CARS1: variants seen among roughly 807,000 people sequenced by gnomAD.
The protein encoded by CARS1 is cysteinyl-tRNA synthetase 1.
Under a neutral mutation model 106.2 loss-of-function variants are expected in CARS1, and 48 were observed. The observed-to-expected ratio is 0.45, with a 90% CI of 0.36 to 0.57. CARS1 has a LOEUF of 0.57. Ranked by LOEUF, CARS1 falls within the 20% of genes least tolerant of loss-of-function variation. CARS1 has a pLI of 0.00. For missense variants in CARS1, 968 were observed against 1,057.2 expected, an observed-to-expected ratio of 0.92 and a Z score of 1.17; for synonymous variants, 409 against 403.4, an observed-to-expected ratio of 1.01 and a Z score of -0.17.
At position 3,019,677 on chromosome 11, in the gene CARS1, C is replaced by T. The variant is rs112299010; in HGVS notation, c.1267-410G>A. On this transcript the variant is annotated intron_variant, in intron 11 of 22. Transcript: ENST00000380525. The surrounding 1 kb of genome is among the most constrained non-coding windows in gnomAD (Gnocchi z 6.2). ...TGAGCTGAGATCGCGCCACTGCACTCCAGCCTGGTGACAGAGTGACACTCT... is the reference window on the plus strand; with the variant it reads ...TGAGCTGAGATCGCGCCACTGCACTTCAGCCTGGTGACAGAGTGACACTCT... Among the ~76,000 whole-genome samples the T allele has an allele frequency of 5.1e-3, 777 of 151,646 alleles. 8 individuals are homozygous for T. The highest frequency in any genetic ancestry group is 0.017 in the African/African-American group (693 of 41,288).
Position 3,029,569 on chromosome 11 carries a change from A to C in CARS1, c.802-126T>G. 1 of 968,772 alleles carries C rather than the reference A, an allele frequency of 1.0e-6. No homozygotes were observed. Among genetic ancestry groups the C allele is most frequent in the South Asian group, 1.6e-5 (1 of 62,698 alleles). The allele number at this position is 968,772 out of a possible 1,614,324, so 60.0% of individuals were successfully genotyped here. A position where few individuals can be genotyped will look rare whatever the true frequency, so the allele number is the denominator to read the frequency against. On this transcript the variant is annotated intron_variant, in intron 7 of 22. Coordinates refer to ENST00000380525, the MANE Select transcript of CARS1 (RefSeq NM_001014437.3). The surrounding 1 kb of genome is among the most constrained non-coding windows in gnomAD (Gnocchi z 5.9). ...TGCTGACCTTGACCTGTGAAGAGCCACCGTCTCCTAGGGAGACTGTGATGC... is the reference window on the plus strand; with the variant it reads ...TGCTGACCTTGACCTGTGAAGAGCCCCCGTCTCCTAGGGAGACTGTGATGC...
At chr11:3,027,828 G>GTT (rs536323059) in intron 9 of CARS1, 19 of 454,702 alleles carry the variant, frequency 4.2e-5, no homozygotes, top group Non-Finnish European at 7.1e-5. Context: ...TAGCGGTAGC[G>GTT]TAAGTGTCAA....
intron 18 of CARS1, among the ~76,000 whole-genome samples, chr11:3,010,356 G>C (rs766581903): frequency 6.6e-6 from 1 of 152,228 alleles, no homozygotes; most frequent in African/African-American, 2.4e-5. Flanking sequence ...ATGCCCAGGC[G>C]ACCTCCAGGA....
At chr11:3,024,588 T>C (rs1851873568) in intron 10 of CARS1, among the ~76,000 whole-genome samples, 1 of 152,056 alleles carries the variant, frequency 6.6e-6, no homozygotes, top group Non-Finnish European at 1.5e-5. Flanking sequence ...GCTGGGACTA[T>C]AGGCACGTGC....
In CARS1 at chr11:3,053,501, G is replaced by A. The variant is rs763715030; in HGVS notation, c.25+3842C>T. The stretch of plus-strand genomic sequence containing the variant: ...CCACCTCGGCCTCCCAAAGTGCTGG[G>A]ATTACAGACGTGAGCCACCATGCCT... On this transcript the variant is annotated intron_variant, in intron 1 of 22. Coordinates refer to ENST00000380525, the MANE Select transcript of CARS1 (RefSeq NM_001014437.3). This position sits in a 1 kb window ranked among gnomAD's most constrained non-coding sequence, Gnocchi z 6.6. 2.2e-4 allele frequency among the ~76,000 whole-genome samples: 34 copies of A among 152,236 alleles called. No homozygotes were observed. The highest frequency in any genetic ancestry group is 3.8e-4 in the Non-Finnish European group (26 of 68,010).
chr11:3,035,492 CTTTTTT>C (rs1057498155), intron 7 of CARS1, among the ~76,000 whole-genome samples: 1 of 151,422 alleles, frequency 6.6e-6, no homozygotes, highest in Non-Finnish European at 1.5e-5. Flanking sequence ...ACATTTCTTT[CTTTTTT>C]TTTAAGAGTC....
Position 3,017,039 on chromosome 11 carries a change from C to T in CARS1, c.1917+67G>A. On this transcript the variant is annotated intron_variant, in intron 16 of 22. Transcript: ENST00000380525. The surrounding 1 kb of genome is among the most constrained non-coding windows in gnomAD (Gnocchi z 4.9). The stretch of plus-strand genomic sequence containing the variant: ...GGGGCACCAGAGGCCTCTGTTCTCC[C>T]AGTCCTGGGGCCTGGCTCCTGTGTC... 1.4e-6 allele frequency: 2 copies of T among 1,426,018 alleles called. No homozygotes were observed. Among genetic ancestry groups the T allele is most frequent in the Non-Finnish European group, 1.9e-6 (2 of 1,043,254 alleles). The allele number at this position is 1,426,018 out of a possible 1,614,324, so 88.3% of individuals were successfully genotyped here.
At position 3,043,482 on chromosome 11, in the gene CARS1, G is replaced by A. The variant is rs563601606; in HGVS notation, c.275-1226C>T. On this transcript the variant is annotated intron_variant, in intron 2 of 22. Transcript: ENST00000380525. This position sits in a 1 kb window ranked among gnomAD's most constrained non-coding sequence, Gnocchi z 4.0. ...CTGGGCACCTCTGACCCCAGCTGGT[G>A]CCTGGCCCTGGGAAGGGCTTCACAT... Among the ~76,000 whole-genome samples the A allele has an allele frequency of 6.6e-5, 10 of 151,732 alleles. 1 individual carries two copies. In the East Asian group the frequency reaches 1.7e-3, roughly 26 times the overall value.
At chr11:3,012,131 G>A (rs909751426) in intron 18 of CARS1, 64 bp downstream of exon 18, 42 of 1,428,378 alleles carry the variant, frequency 2.9e-5, no homozygotes, top group Middle Eastern at 1.8e-4. Context: ...CGGGGGAGAC[G>A]CCCGGTCCGG....
intron 7 of CARS1, among the ~76,000 whole-genome samples, chr11:3,032,070 CCTTCCTT>C: frequency 9.5e-6 from 1 of 105,462 alleles, no homozygotes; most frequent in Non-Finnish European, 1.8e-5. Context: ...CTCCTTCCTT[CCTTCCTT>C]CCTTCCTTCC....
intron 16 of CARS1, 151 bp from the exon 17 acceptor site, chr11:3,016,000 C>G (rs899408177): frequency 7.2e-6 from 5 of 690,814 alleles, no homozygotes; most frequent in Non-Finnish European, 1.3e-5. Context: ...CCCAGAAACC[C>G]GAGCCTGAGG....
At position 3,029,032 on chromosome 11, in the gene CARS1, A is replaced by T; in HGVS notation, c.995T>A (p.Val332Glu). The T allele has an allele frequency of 6.2e-7, 1 of 1,614,054 alleles. No individual in the cohort carries two copies. Among genetic ancestry groups the T allele is most frequent in the Non-Finnish European group, 8.5e-7 (1 of 1,179,918 alleles). ...TRVSEYVPEI[V>E]NFVQKIVDNG... The stretch of plus-strand genomic sequence containing the variant: ...GTCCACAATCTTCTGGACAAAGTTC[A>T]CAATTTCTGGCACATACTCACTAAC... The change falls in exon 9 of 23, where the codon GTG becomes GAG. Residue 332 changes from valine to glutamate, a missense_variant. Val to Glu is a moderately radical substitution (Grantham distance 121, BLOSUM62 -2). Coordinates refer to ENST00000380525, the MANE Select transcript of CARS1 (RefSeq NM_001014437.3). This position sits in a 1 kb window ranked among gnomAD's most constrained non-coding sequence, Gnocchi z 5.9.
chr11:3,044,238 G>T lies in CARS1; in HGVS notation c.275-1982C>A, dbSNP rs566934604. ...ATGAGGAAACGGCCCAGGGTTCACA[G>T]GACTGAAAGCTTGTCCAAGAAGCCT... On this transcript the variant is annotated intron_variant, in intron 2 of 22. Coordinates refer to ENST00000380525, the MANE Select transcript of CARS1 (RefSeq NM_001014437.3). The surrounding 1 kb of genome is among the most constrained non-coding windows in gnomAD (Gnocchi z 4.4). Among the ~76,000 whole-genome samples the T allele has an allele frequency of 6.6e-6, 1 of 152,272 alleles. No homozygotes were observed. Among genetic ancestry groups the T allele is most frequent in the South Asian group, 2.1e-4 (1 of 4,824 alleles).
At chr11:3,024,293 C>T (rs1168389609) in intron 10 of CARS1, among the ~76,000 whole-genome samples, 2 of 152,164 alleles carry the variant, frequency 1.3e-5, no homozygotes, top group African/African-American at 4.8e-5. Context: ...GTGTGTGGCA[C>T]CTTTGCTGCT....
At position 3,053,390 on chromosome 11, in the gene CARS1, C is replaced by G. The variant is rs1017337553; in HGVS notation, c.25+3953G>C. On this transcript the variant is annotated intron_variant, in intron 1 of 22. Coordinates refer to ENST00000380525, the MANE Select transcript of CARS1 (RefSeq NM_001014437.3). This position sits in a 1 kb window ranked among gnomAD's most constrained non-coding sequence, Gnocchi z 6.6. ...GGATTACAGGTGCCCGCCACCATGC[C>G]CAGCTAATTTTTGTATTTTTAGTAG... Among the ~76,000 whole-genome samples, 1 of 151,998 alleles carries G rather than the reference C, an allele frequency of 6.6e-6. No homozygotes were observed. The highest frequency in any genetic ancestry group is 2.4e-5 in the African/African-American group (1 of 41,374).
Position 3,017,354 on chromosome 11 carries a change from C to T in CARS1, c.1728-59G>A. On this transcript the variant is annotated intron_variant, in intron 15 of 22. Coordinates refer to ENST00000380525, the MANE Select transcript of CARS1 (RefSeq NM_001014437.3). This position sits in a 1 kb window ranked among gnomAD's most constrained non-coding sequence, Gnocchi z 4.9. ...ACCTGAAAACACACCATAGAAATTC[C>T]CCATGTGGCCAGGCGCAGTGGCTCA... 2.0e-6 allele frequency: 3 copies of T among 1,510,474 alleles called. No homozygotes were observed. The highest frequency in any genetic ancestry group is 2.3e-5 in the South Asian group (2 of 85,574). 93.6% of individuals were successfully genotyped at this position (1,510,474 alleles called of 1,614,324 possible). A position where few individuals can be genotyped will look rare whatever the true frequency, so the allele number is the denominator to read the frequency against.
intron 17 of CARS1, among the ~76,000 whole-genome samples, chr11:3,015,406 C>A (rs542225420): frequency 1.3e-5 from 2 of 152,388 alleles, no homozygotes; most frequent in African/African-American, 4.8e-5. Flanking sequence ...GCTCTGCAGC[C>A]TTTCGATGAA....
intron 1 of CARS1, among the ~76,000 whole-genome samples, chr11:3,055,522 A>G (rs1856117016): frequency 6.6e-6 from 1 of 152,248 alleles, no homozygotes; most frequent in South Asian, 2.1e-4. Context: ...CAGGTGGGCC[A>G]TGCCCTGGGG....
In CARS1 at chr11:3,039,380, C is replaced by CT; in HGVS notation, c.553-89dup. 1.2e-6 allele frequency: 1 copy of CT among 817,538 alleles called. No homozygotes were observed. 50.6% of individuals were successfully genotyped at this position (817,538 alleles called of 1,614,324 possible). A position where few individuals can be genotyped will look rare whatever the true frequency, so the allele number is the denominator to read the frequency against. ...AGGCCACTCTCTCCCTTGGCCAACT[C>CT]TAAGTGAGGGTGAGGGTGGTGGGAG... On this transcript the variant is annotated intron_variant, in intron 5 of 22. Transcript: ENST00000380525. The surrounding 1 kb of genome is among the most constrained non-coding windows in gnomAD (Gnocchi z 5.6).
Sources: allele counts gnomAD v4.1 joint callset (sites outside exome capture counted in the v4.1 genomes callset), GRCh38; gene constraint gnomAD v4.1.1; non-coding constraint Gnocchi (gnomAD v3.1); transcripts MANE v1.5; gene names NCBI Gene and HGNC (gene_info 2026-07-23, HGNC 2026-07-21).